The following CDYL2 variants were observed in gnomAD, a reference collection of about 807,000 sequenced individuals.
CDYL2 encodes the protein chromodomain Y-like protein 2.
A neutral mutation model predicts 49.4 loss-of-function variants in CDYL2; 23 were observed. The ratio of observed to expected loss-of-function variants is 0.47; its 90% CI spans 0.34 to 0.66. The LOEUF (loss-of-function observed/expected upper bound fraction) is 0.66, where lower values mean the gene tolerates loss of function less well. Among genes scored for constraint, CDYL2 ranks in the 30% least tolerant of loss-of-function variants. The pLI, the probability that CDYL2 is intolerant of heterozygous loss-of-function variation, is 0.01. For synonymous variants in CDYL2, 360 were observed against 268.8 expected, an observed-to-expected ratio of 1.34 and a Z score of -3.32; for missense variants, 678 against 656.4, an observed-to-expected ratio of 1.03 and a Z score of -0.36.
intron 1 of CDYL2, among the ~76,000 whole-genome samples, chr16:80,722,037 AG>A (rs1407079169): frequency 1.3e-5 from 2 of 152,240 alleles, no homozygotes; most frequent in African/African-American, 4.8e-5. Context: ...AGGAGCTGAG[AG>A]AATGTCTAAA....
intron 1 of CDYL2, among the ~76,000 whole-genome samples, chr16:80,724,288 G>C (rs1419398774): frequency 6.6e-6 from 1 of 150,762 alleles, no homozygotes. Flanking sequence ...AAAGGAAGAG[G>C]AAAGAAAGGA....
chr16:80,692,915 C>A (rs1910473946), intron 1 of CDYL2, among the ~76,000 whole-genome samples: 1 of 152,078 alleles, frequency 6.6e-6, no homozygotes, highest in Non-Finnish European at 1.5e-5. Context: ...CAGACAAAAC[C>A]TGGAGAAATC....
chr16:80,741,141 C>G (rs757556429), intron 1 of CDYL2, among the ~76,000 whole-genome samples: 15 of 148,506 alleles, frequency 1.0e-4, no homozygotes, highest in Non-Finnish European at 1.9e-4. Flanking sequence ...CATAAAAAGC[C>G]CAGAAACATA....
At chr16:80,608,382 C>G in intron 5 of CDYL2, 147 bp from the exon 6 acceptor site, 1 of 877,906 alleles carries the variant, frequency 1.1e-6, no homozygotes, top group Non-Finnish European at 1.7e-6. Flanking sequence ...GTCAGATAAG[C>G]TTTGGGAATT....
intron 1 of CDYL2, among the ~76,000 whole-genome samples, chr16:80,733,059 A>G (rs1199449143): frequency 1.3e-5 from 2 of 152,116 alleles, no homozygotes; most frequent in Non-Finnish European, 2.9e-5. Context: ...CAACAAGCCA[A>G]TGTAGCCTAT....
chr16:80,799,861 G>A (rs1907873751), intron 1 of CDYL2, among the ~76,000 whole-genome samples: 1 of 152,128 alleles, frequency 6.6e-6, no homozygotes, highest in Non-Finnish European at 1.5e-5. Flanking sequence ...CAATCCAACT[G>A]ATAACATTTT....
At chr16:80,727,424 C>T (rs1905199637) in intron 1 of CDYL2, among the ~76,000 whole-genome samples, 1 of 152,228 alleles carries the variant, frequency 6.6e-6, no homozygotes, top group Non-Finnish European at 1.5e-5. Flanking sequence ...AGATTATATC[C>T]CGCACATGGC....
At chr16:80,797,761 A>G (rs2142422625) in intron 1 of CDYL2, among the ~76,000 whole-genome samples, 1 of 152,278 alleles carries the variant, frequency 6.6e-6, no homozygotes, top group East Asian at 1.9e-4. Context: ...TCAACCTTTC[A>G]ATTGCATCCA....
At chr16:80,713,417 T>C (rs1904687121) in intron 1 of CDYL2, among the ~76,000 whole-genome samples, 1 of 152,156 alleles carries the variant, frequency 6.6e-6, no homozygotes, top group Non-Finnish European at 1.5e-5. Context: ...CAAATGGCCT[T>C]TCAGATGCAC....
At chr16:80,631,998 C>T (rs920307041) in intron 3 of CDYL2, among the ~76,000 whole-genome samples, 3 of 152,102 alleles carry the variant, frequency 2.0e-5, no homozygotes, top group Non-Finnish European at 4.4e-5. Context: ...TCGAAAAATA[C>T]GGTAAGCAAT....
intron 1 of CDYL2, among the ~76,000 whole-genome samples, chr16:80,696,618 A>G (rs564132930): frequency 6.6e-6 from 1 of 152,186 alleles, no homozygotes; most frequent in Admixed American, 6.5e-5. Flanking sequence ...AAATGAATAC[A>G]TTCCTGGACA....
intron 1 of CDYL2, 58 bp from the exon 2 acceptor site, chr16:80,685,187 T>C (rs1191507632): frequency 1.0e-5 from 14 of 1,403,494 alleles, no homozygotes; most frequent in Non-Finnish European, 1.2e-5. Flanking sequence ...AAAACTCAGT[T>C]CGAGGCAACA....
intron 1 of CDYL2, among the ~76,000 whole-genome samples, chr16:80,770,819 T>C (rs539778423): frequency 2.0e-5 from 3 of 152,294 alleles, no homozygotes; most frequent in African/African-American, 2.4e-5. Flanking sequence ...ACTAAAGATT[T>C]TGTCTCATTC....
intron 3 of CDYL2, chr16:80,632,743 C>A (rs768284040): frequency 5.0e-6 from 2 of 397,712 alleles, no homozygotes; most frequent in Non-Finnish European, 9.3e-6. Flanking sequence ...TCTGGGTCTG[C>A]CCCTTGGCTA....
intron 1 of CDYL2, among the ~76,000 whole-genome samples, chr16:80,701,742 C>T (rs972550050): frequency 3.9e-5 from 6 of 152,134 alleles, no homozygotes; most frequent in East Asian, 1.9e-4. Context: ...ATAAATGTAA[C>T]GCAGTTTACA....
rs762305274 is a variant in CDYL2, at chr16:80,612,822, G to A, written c.1022C>T (p.Ala341Val). 3.1e-6 allele frequency: 5 copies of A among 1,611,752 alleles called. No individual in the cohort carries two copies. The highest frequency in any genetic ancestry group is 4.2e-6 in the Non-Finnish European group (5 of 1,178,856). ...GATAGGCTTCTTAAACTGGATAAAG[G>A]CCTTCACAAAGTCCCTGGGAGAGAA... The part of the protein sequence containing the change: ...IAEAIRDFVK[A>V]FIQFKKPIVV... Residue 341 changes from alanine (A) to valine (V), a missense_variant, in exon 5 of 7, where the codon GCC becomes GTC. By Grantham distance (64) the Ala-to-Val change is moderately conservative (BLOSUM62 0). Around this residue, in one of 3 missense-constraint regions of CDYL2, gnomAD observed 47 missense variants for 78.8 expected, o/e 0.60. Coordinates refer to ENST00000570137, the MANE Select transcript of CDYL2 (RefSeq NM_152342.4). The surrounding 1 kb of genome is among the most constrained non-coding windows in gnomAD (Gnocchi z 5.0).
At chr16:80,763,623 A>AG (rs1567599234) in intron 1 of CDYL2, among the ~76,000 whole-genome samples, 1 of 152,012 alleles carries the variant, frequency 6.6e-6, no homozygotes, top group Non-Finnish European at 1.5e-5. Flanking sequence ...AAACAAAAAA[A>AG]TAACAAAAAA....
At chr16:80,653,838 C>T (rs946806855) in intron 2 of CDYL2, among the ~76,000 whole-genome samples, 1 of 152,192 alleles carries the variant, frequency 6.6e-6, no homozygotes, top group East Asian at 1.9e-4. Context: ...CTTACACTTG[C>T]GTGTACACAG....
At chr16:80,732,719 C>T (rs567211803) in intron 1 of CDYL2, among the ~76,000 whole-genome samples, 16 of 152,200 alleles carry the variant, frequency 1.1e-4, no homozygotes, top group East Asian at 1.9e-4. Context: ...CCTAAGAATC[C>T]GGGCATTACA....
Sources: allele counts gnomAD v4.1 joint callset (sites outside exome capture counted in the v4.1 genomes callset), GRCh38; gene constraint gnomAD v4.1.1; regional missense constraint gnomAD v4.1.1; non-coding constraint Gnocchi (gnomAD v3.1); transcripts MANE v1.5; gene names NCBI Gene and HGNC (gene_info 2026-07-23, HGNC 2026-07-21).